PCDHA5: variants seen among roughly 807,000 people sequenced by gnomAD.
PCDHA5 encodes the protein protocadherin alpha 5, also known as protocadherin alpha-5.
A neutral mutation model predicts 61.6 loss-of-function variants in PCDHA5; 43 were observed. The ratio of observed to expected loss-of-function variants is 0.70; its 90% CI spans 0.55 to 0.90. The LOEUF (loss-of-function observed/expected upper bound fraction) is 0.90, where lower values mean the gene tolerates loss of function less well. Among genes scored for constraint, PCDHA5 ranks in the 40% least tolerant of loss-of-function variants. PCDHA5 has a pLI of 0.00. For synonymous variants in PCDHA5, 627 were observed against 543.9 expected (o/e 1.15, Z -2.13); for missense variants, 1,298 against 1,222.7 (o/e 1.06, Z -0.92).
At chr5:140,858,063 G>T in intron 1 of PCDHA5, 1 of 1,597,700 alleles carries the variant, frequency 6.3e-7, no homozygotes, top group Non-Finnish European at 8.6e-7. Flanking sequence ...GTGGAGGGCA[G>T]CCAGGCACCC....
Position 140,843,512 on chromosome 5 carries a change from G to T in PCDHA5, c.2352+19385G>T, listed in dbSNP as rs2150361484. The T allele has an allele frequency of 6.3e-6, 10 of 1,595,848 alleles. 1 individual carries two copies. Among genetic ancestry groups the T allele is most frequent in the Non-Finnish European group, 8.6e-6 (10 of 1,165,572 alleles). On this transcript the variant is annotated intron_variant, in intron 1 of 3. Coordinates refer to ENST00000529859, the MANE Select transcript of PCDHA5 (RefSeq NM_018908.3). ...GTGCTCAGCACTGCCCACTGAGGGC[G>T]GGTGCCGGGCGGGCAAGCCCACTCT...
At chr5:140,834,216 C>G in intron 1 of PCDHA5, 1 of 658,062 alleles carries the variant, frequency 1.5e-6, no homozygotes, top group East Asian at 2.7e-5. Flanking sequence ...CTTTCGTAAT[C>G]AGCAAAAGGA....
chr5:140,893,210 G>C (rs2063874103), intron 1 of PCDHA5, among the ~76,000 whole-genome samples: 1 of 152,204 alleles, frequency 6.6e-6, no homozygotes, highest in Non-Finnish European at 1.5e-5. Flanking sequence ...GTAAGTATGG[G>C]AGGTGCAGGT....
At position 141,010,210 on chromosome 5, in the gene PCDHA5, G is replaced by A. The variant is rs2098416466; in HGVS notation, c.*273G>A. ...AGTTTCCTTTCTCCTCCGCCGCAAA[G>A]GAGAGGCTTCCCAGCCCCGCCAGTG... On this transcript the variant is annotated 3_prime_UTR_variant, in exon 4 of 4. Transcript: ENST00000529859. 4 of 1,551,736 alleles carry A rather than the reference G, an allele frequency of 2.6e-6. No homozygotes were observed. Among genetic ancestry groups the A allele is most frequent in the African/African-American group, 1.4e-5 (1 of 73,050 alleles).
chr5:140,823,457 C>T lies in PCDHA5; in HGVS notation c.1682C>T (p.Ala561Val), dbSNP rs1181395519. The T allele has an allele frequency of 2.5e-6, 4 of 1,613,302 alleles. No individual in the cohort carries two copies. The highest frequency in any genetic ancestry group is 3.4e-6 in the Non-Finnish European group (4 of 1,179,758). Reference sequence around the variant, plus strand: ...TTCGTGCTGGACGAGAACGACAACGCGCCGGCGCTGCTGGTGCCTCGAGTG... The same window carrying T: ...TTCGTGCTGGACGAGAACGACAACGTGCCGGCGCTGCTGGTGCCTCGAGTG... ...QVFVLDENDN[A>V]PALLVPRVGG... Residue 561 changes from alanine to valine, a missense_variant, in exon 1 of 4, where the codon GCG becomes GTG. By Grantham distance (64) the Ala-to-Val change is moderately conservative. Coordinates refer to ENST00000529859, the MANE Select transcript of PCDHA5 (RefSeq NM_018908.3).
chr5:140,832,994 A>G (rs1435786520), intron 1 of PCDHA5, among the ~76,000 whole-genome samples: 1 of 152,222 alleles, frequency 6.6e-6, no homozygotes, highest in Non-Finnish European at 1.5e-5. Flanking sequence ...GGAATAGTCC[A>G]CTTTGGGTAA....
intron 1 of PCDHA5, among the ~76,000 whole-genome samples, chr5:140,974,338 A>G (rs1554235945): frequency 6.6e-6 from 1 of 152,212 alleles, no homozygotes; most frequent in Non-Finnish European, 1.5e-5. Flanking sequence ...CTAGCAGGCT[A>G]TGCATCCAGA....
chr5:140,871,344 G>A (rs533115257), intron 1 of PCDHA5: 1 of 1,614,200 alleles, frequency 6.2e-7, no homozygotes, highest in African/African-American at 1.3e-5. Flanking sequence ...TGGGGAGCTG[G>A]TCATACTCGC....
chr5:140,846,373 C>CTTTTT (rs374699051), intron 1 of PCDHA5, among the ~76,000 whole-genome samples: 38 of 55,142 alleles, frequency 6.9e-4, no homozygotes, highest in East Asian at 1.7e-3. Context: ...TTCTTTCTTT[C>CTTTTT]TTTTTTTTTT....
chr5:140,930,037 GC>G (rs2086548182), intron 1 of PCDHA5: 6 of 152,140 alleles, frequency 3.9e-5, no homozygotes, highest in African/African-American at 1.4e-4. Flanking sequence ...TTTTGTAACT[GC>G]TTTGGAGTTT....
At chr5:140,836,524 C>G (rs2150262831) in intron 1 of PCDHA5, 1 of 1,613,834 alleles carries the variant, frequency 6.2e-7, no homozygotes, top group South Asian at 1.1e-5. Flanking sequence ...TTGGTGCTTA[C>G]CCTGCTGCTG....
intron 1 of PCDHA5, chr5:140,829,491 A>G (rs1770339510): frequency 1.2e-6 from 2 of 1,613,552 alleles, no homozygotes; most frequent in African/African-American, 1.3e-5. Context: ...GTGAAGGAGA[A>G]CAACCCGCCG....
intron 3 of PCDHA5, among the ~76,000 whole-genome samples, chr5:140,992,857 C>G (rs1234991129): frequency 6.6e-6 from 1 of 152,148 alleles, no homozygotes; most frequent in African/African-American, 2.4e-5. Context: ...ACCAGTTTCA[C>G]TCTAGCTCCC....
chr5:140,946,916 T>C (rs1554217963), intron 1 of PCDHA5, among the ~76,000 whole-genome samples: 4 of 151,468 alleles, frequency 2.6e-5, no homozygotes, highest in Non-Finnish European at 5.9e-5. Context: ...GTTCTGGTGT[T>C]TTATTGAACA....
At position 140,853,369 on chromosome 5, in the gene PCDHA5, T is replaced by A. The variant is rs1471724448; in HGVS notation, c.2352+29242T>A. On this transcript the variant is annotated intron_variant, in intron 1 of 3. Transcript: ENST00000529859. ...ACATGAACTCACAGGGATCCAGAGA[T>A]GGTAAAATTCAAAACAGCCTGTCAA... is the stretch of plus-strand genomic sequence containing the variant. 3.1e-6 allele frequency: 3 copies of A among 982,868 alleles called. 1 individual carries two copies. The highest frequency in any genetic ancestry group is 3.7e-6 in the Non-Finnish European group (3 of 815,606). The allele number at this position is 982,868 out of a possible 1,614,324, so 60.9% of individuals were successfully genotyped here.
intron 1 of PCDHA5, chr5:140,858,710 T>C (rs2150436389): frequency 5.6e-6 from 3 of 537,418 alleles, no homozygotes; most frequent in South Asian, 5.1e-5. Flanking sequence ...ATATGTGATA[T>C]AGGTTGCAGT....
chr5:140,978,240 C>G (rs1290697340), intron 1 of PCDHA5, among the ~76,000 whole-genome samples: 1 of 152,174 alleles, frequency 6.6e-6, no homozygotes, highest in African/African-American at 2.4e-5. Flanking sequence ...TGGATTTCAG[C>G]TACTCCCTGT....
intron 1 of PCDHA5, among the ~76,000 whole-genome samples, chr5:140,832,543 A>T (rs1469117673): frequency 6.6e-6 from 1 of 152,226 alleles, no homozygotes; most frequent in Non-Finnish European, 1.5e-5. Context: ...TGTGTAGCTA[A>T]TGATATCTAA....
At chr5:140,894,505 C>T (rs1054272448) in intron 1 of PCDHA5, among the ~76,000 whole-genome samples, 9 of 151,570 alleles carry the variant, frequency 5.9e-5, no homozygotes, top group Non-Finnish European at 2.9e-5. Context: ...AGGCATTATC[C>T]ATAGTGTTTA....
Sources: gnomAD v4.1 joint callset for allele counts (sites outside exome capture counted in the v4.1 genomes callset) on GRCh38, gnomAD v4.1.1 for gene constraint, MANE v1.5 for transcripts, NCBI Gene and HGNC (gene_info 2026-07-23, HGNC 2026-07-21) for gene names.